EDC4: variants seen among roughly 807,000 people sequenced by gnomAD.
EDC4 encodes the protein enhancer of mRNA-decapping protein 4.
In EDC4, 64 loss-of-function variants were observed where a neutral mutation model predicts 155.8. That is an observed-to-expected ratio of 0.41 (90% CI 0.34 to 0.51). EDC4 has a LOEUF of 0.51. EDC4 is among the 20% of genes least tolerant of loss of function. The probability of loss-of-function intolerance (pLI) is 0.19; values close to 1 mark genes in which losing one functional copy is unlikely to be tolerated. For synonymous variants in EDC4, 684 were observed against 716.8 expected, an observed-to-expected ratio of 0.95 and a Z score of 0.73; for missense variants, 1,303 against 1,812.5, an observed-to-expected ratio of 0.72 and a Z score of 5.10.
At position 67,881,632 on chromosome 16, in the gene EDC4, G is replaced by C. The variant is rs1334133624; in HGVS notation, c.2827-36G>C. 1.2e-6 allele frequency: 2 copies of C among 1,610,414 alleles called. No homozygotes were observed. The highest frequency in any genetic ancestry group is 1.7e-6 in the Non-Finnish European group (2 of 1,177,196). On this transcript the variant is annotated intron_variant, in intron 21 of 28. Transcript: ENST00000358933. The surrounding 1 kb of genome is among the most constrained non-coding windows in gnomAD (Gnocchi z 5.4). ...CTGGTCTGGTGTGTGGGAATAGGTGGGGCAGGCATCGTGTGACTGTCAGTG... is the reference window on the plus strand; with the variant it reads ...CTGGTCTGGTGTGTGGGAATAGGTGCGGCAGGCATCGTGTGACTGTCAGTG...
In EDC4 at chr16:67,882,965, G is replaced by C; in HGVS notation, c.3637G>C (p.Glu1213Gln). The C allele has an allele frequency of 6.2e-7, 1 of 1,613,968 alleles. No homozygotes were observed. Among genetic ancestry groups the C allele is most frequent in the Non-Finnish European group, 8.5e-7 (1 of 1,179,826 alleles). ...QLHVAVGSLQ[E>Q]SILAQVQRIV... is the part of the protein sequence containing the mutation. ...ACTCACTTCCCTTTGCAGCCTGCAG[G>C]AGTCCATTTTAGCACAGGTACAGCG... Residue 1213 changes from glutamate (E) to glutamine (Q), a missense_variant, in exon 27 of 29, where the codon GAG becomes CAG. Around this residue, in one of 5 missense-constraint regions of EDC4, gnomAD observed 527 missense variants for 757.0 expected, o/e 0.70. Transcript: ENST00000358933. The surrounding 1 kb of genome is among the most constrained non-coding windows in gnomAD (Gnocchi z 7.2).
chr16:67,875,657 C>T (rs1002605561), intron 1 of EDC4: 120 of 1,073,714 alleles, frequency 1.1e-4, no homozygotes, highest in South Asian at 2.5e-4. Flanking sequence ...TCACTCAGTC[C>T]ACAGAGTTCT....
chr16:67,879,074 C>T lies in EDC4; in HGVS notation c.1405C>T (p.Arg469Cys), dbSNP rs761665865. The change falls in exon 12 of 29, where the codon CGC becomes TGC. Residue 469 changes from arginine (R) to cysteine (C), a missense_variant. Physicochemically the swap from Arg to Cys is radical, Grantham distance 180 (BLOSUM62 -3). Transcript: ENST00000358933. The surrounding 1 kb of genome is among the most constrained non-coding windows in gnomAD (Gnocchi z 6.0). ...VLSFGIQVVSRCRLRHTEVLP... is the reference protein window; with the variant it reads ...VLSFGIQVVSCCRLRHTEVLP... ...GAGCTTTGGTATCCAGGTTGTGAGT[C>T]GCTGCCGGCTACGGCACACTGAGGT... is the stretch of plus-strand genomic sequence containing the variant. 2.2e-5 allele frequency: 36 copies of T among 1,613,568 alleles called. No homozygotes were observed. In the South Asian group the frequency reaches 3.4e-4, roughly 15 times the overall value.
rs369896712 is a variant in EDC4, at chr16:67,880,252, C to T, written c.2097+36C>T. ...GGGTGTGTGTGTGAAGTGTGGGGAGCAGGTGGGCAGCAGCAGGGAAGGTGG... is the reference window on the plus strand; with the variant it reads ...GGGTGTGTGTGTGAAGTGTGGGGAGTAGGTGGGCAGCAGCAGGGAAGGTGG... On this transcript the variant is annotated intron_variant, in intron 17 of 28. Transcript: ENST00000358933. This position sits in a 1 kb window ranked among gnomAD's most constrained non-coding sequence, Gnocchi z 5.2. The T allele has an allele frequency of 1.9e-5, 29 of 1,557,936 alleles. No individual in the cohort carries two copies. The highest frequency in any genetic ancestry group is 2.3e-5 in the Non-Finnish European group (26 of 1,153,808).
Position 67,884,280 on chromosome 16 carries a change from A to G in EDC4, c.*132A>G. 8 of 862,072 alleles carry G rather than the reference A, an allele frequency of 9.3e-6. No individual in the cohort carries two copies. The highest frequency in any genetic ancestry group is 2.9e-5 in the Admixed American group (1 of 34,146). 53.4% of individuals were successfully genotyped at this position (862,072 alleles called of 1,614,324 possible). ...CTGGGGTGTTTGGGGGTCAGGGAGC[A>G]GGGAGCACTGGCCGTGGTCTACAGC... On this transcript the variant is annotated 3_prime_UTR_variant, in exon 29 of 29. Coordinates refer to ENST00000358933, the MANE Select transcript of EDC4 (RefSeq NM_014329.5). The surrounding 1 kb of genome is among the most constrained non-coding windows in gnomAD (Gnocchi z 4.1).
rs1193684287 is a variant in EDC4 at position 67,883,949 on chromosome 16, T to A, written c.4014-7T>A. 1.3e-6 allele frequency: 2 copies of A among 1,586,458 alleles called. No individual in the cohort carries two copies. The highest frequency in any genetic ancestry group is 1.7e-6 in the Non-Finnish European group (2 of 1,162,084). On this transcript the variant is annotated splice_polypyrimidine_tract_variant and splice_region_variant and intron_variant, in intron 28 of 28. Transcript: ENST00000358933. This position sits in a 1 kb window ranked among gnomAD's most constrained non-coding sequence, Gnocchi z 5.3. ...CCTGTAGCCTGTCCTTTCCCCCCCA[T>A]CCCCAGCTACCTGGAAGAGGCCGTG... is the stretch of plus-strand genomic sequence containing the variant.
chr16:67,875,685 C>T, intron 1 of EDC4: 7 of 1,270,498 alleles, frequency 5.5e-6, no homozygotes, highest in Non-Finnish European at 7.0e-6. Context: ...TGACCCAGAC[C>T]TGAGTATTCA....
chr16:67,883,430 C>T lies in EDC4; in HGVS notation c.3850-138C>T, dbSNP rs11639861. 5 of 1,401,688 alleles carry T rather than the reference C, an allele frequency of 3.6e-6. No individual in the cohort carries two copies. In the East Asian group the frequency reaches 1.1e-4, roughly 32 times the overall value. 86.8% of individuals were successfully genotyped at this position (1,401,688 alleles called of 1,614,324 possible). A position where few individuals can be genotyped will look rare whatever the true frequency, so the allele number is the denominator to read the frequency against. Reference sequence around the variant, plus strand: ...AATCCCCTAGGGTAACTACACAGCCCTACAGGCTCTCTCTGAGTCCCTCTG... The same window carrying T: ...AATCCCCTAGGGTAACTACACAGCCTTACAGGCTCTCTCTGAGTCCCTCTG... On this transcript the variant is annotated intron_variant, in intron 27 of 28. Coordinates refer to ENST00000358933, the MANE Select transcript of EDC4 (RefSeq NM_014329.5). The surrounding 1 kb of genome is among the most constrained non-coding windows in gnomAD (Gnocchi z 5.3).
At position 67,883,882 on chromosome 16, in the gene EDC4, G is replaced by A; in HGVS notation, c.4014-74G>A. ...CCTTCACCCAGAGGGTTCCCTCTGG[G>A]CCTCGGTGCCACCAGGGGGCGCTCC... On this transcript the variant is annotated intron_variant, in intron 28 of 28. Transcript: ENST00000358933. This position sits in a 1 kb window ranked among gnomAD's most constrained non-coding sequence, Gnocchi z 5.3. 1.3e-6 allele frequency: 2 copies of A among 1,537,276 alleles called. No homozygotes were observed. The highest frequency in any genetic ancestry group is 1.8e-6 in the Non-Finnish European group (2 of 1,139,738).
intron 1 of EDC4, among the ~76,000 whole-genome samples, chr16:67,874,535 C>G (rs1275946046): frequency 6.6e-6 from 1 of 152,208 alleles, no homozygotes; most frequent in African/African-American, 2.4e-5. Context: ...AGACTAGACT[C>G]CGCAGAGATT....
At position 67,876,923 on chromosome 16, in the gene EDC4, T is replaced by C. The variant is rs1483683135; in HGVS notation, c.402T>C (p.Tyr134=). 1 of 1,614,152 alleles carries C rather than the reference T, an allele frequency of 6.2e-7. No homozygotes were observed. Among genetic ancestry groups the C allele is most frequent in the African/African-American group, 1.3e-5 (1 of 74,952 alleles). Residue 134 remains tyrosine (Y), a synonymous_variant, in exon 4 of 29, where the codon TAT becomes TAC. Transcript: ENST00000358933. This position sits in a 1 kb window ranked among gnomAD's most constrained non-coding sequence, Gnocchi z 5.8. The stretch of plus-strand genomic sequence containing the variant: ...ATGACTGGGAACAGAAGTACTACTA[T>C]GGCAACCTGATTGCTGTGTCTAACT... ...AKYDWEQKYY[Y]GNLIAVSNSF... is the part of the protein sequence containing the mutation.
chr16:67,881,251 T>TC lies in EDC4; in HGVS notation c.2637-10dup. 1 of 1,613,920 alleles carries TC rather than the reference T, an allele frequency of 6.2e-7. No individual in the cohort carries two copies. The highest frequency in any genetic ancestry group is 2.2e-5 in the East Asian group (1 of 44,870). ...AAGTGGGCAGGGGCTTACTCCTCCT[T>TC]CCCCTTCCCACAGTGACCATGATGA... On this transcript the variant is annotated splice_polypyrimidine_tract_variant and intron_variant, in intron 19 of 28. Transcript: ENST00000358933. This position sits in a 1 kb window ranked among gnomAD's most constrained non-coding sequence, Gnocchi z 5.4.
In EDC4 at chr16:67,881,888, G is replaced by A. The variant is rs373345696; in HGVS notation, c.3004+43G>A. On this transcript the variant is annotated intron_variant, in intron 22 of 28. Coordinates refer to ENST00000358933, the MANE Select transcript of EDC4 (RefSeq NM_014329.5). This position sits in a 1 kb window ranked among gnomAD's most constrained non-coding sequence, Gnocchi z 5.4. ...AGCACAACATGGCATAGGGACGGGG[G>A]CAGCATTCTTGGCCTGGGAAGGAGT... 2.6e-5 allele frequency: 41 copies of A among 1,605,040 alleles called. No individual in the cohort carries two copies. In the Admixed American group the frequency reaches 3.8e-4, roughly 15 times the overall value.
chr16:67,879,367 C>A lies in EDC4; in HGVS notation c.1542-45C>A. 6.2e-7 allele frequency: 1 copy of A among 1,614,204 alleles called. No individual in the cohort carries two copies. The highest frequency in any genetic ancestry group is 1.1e-5 in the South Asian group (1 of 91,084). On this transcript the variant is annotated intron_variant, in intron 13 of 28. Transcript: ENST00000358933. This position sits in a 1 kb window ranked among gnomAD's most constrained non-coding sequence, Gnocchi z 6.0. ...TCTGTGTCTGTCTCCACTCTACTGA[C>A]CCTTGCCCTTGGAGCACTTTATTCT...
At chr16:67,875,798 T>C in intron 1 of EDC4, 147 bp from the exon 2 acceptor site, 1 of 1,471,984 alleles carries the variant, frequency 6.8e-7, no homozygotes, top group Non-Finnish European at 8.9e-7. Context: ...GAACGAGAGA[T>C]GAACACAGGG....
chr16:67,878,100 G>A lies in EDC4; in HGVS notation c.895-66G>A. ...CCACCGTGAGTCAGCCCAGCTCATTGCCATCCTCACTTGGGAGGGGCTTGT... is the reference window on the plus strand; with the variant it reads ...CCACCGTGAGTCAGCCCAGCTCATTACCATCCTCACTTGGGAGGGGCTTGT... On this transcript the variant is annotated intron_variant, in intron 7 of 28. Coordinates refer to ENST00000358933, the MANE Select transcript of EDC4 (RefSeq NM_014329.5). The surrounding 1 kb of genome is among the most constrained non-coding windows in gnomAD (Gnocchi z 5.2). 1 of 1,602,890 alleles carries A rather than the reference G, an allele frequency of 6.2e-7. No individual in the cohort carries two copies. The highest frequency in any genetic ancestry group is 8.5e-7 in the Non-Finnish European group (1 of 1,173,866).
chr16:67,882,671 C>T lies in EDC4; in HGVS notation c.3443-8C>T, dbSNP rs1456472068. ...GTTCCTCTTATAGTCCCTGTGGTCA[C>T]CCCTCAGACTTGCAGCAGCTAGAAA... is the stretch of plus-strand genomic sequence containing the variant. On this transcript the variant is annotated splice_region_variant and splice_polypyrimidine_tract_variant and intron_variant, in intron 25 of 28. Transcript: ENST00000358933. This position sits in a 1 kb window ranked among gnomAD's most constrained non-coding sequence, Gnocchi z 7.2. 1 of 1,614,196 alleles carries T rather than the reference C, an allele frequency of 6.2e-7. No homozygotes were observed. The highest frequency in any genetic ancestry group is 8.5e-7 in the Non-Finnish European group (1 of 1,180,030).
Position 67,878,359 on chromosome 16 carries a change from G to C in EDC4, c.1005-1G>C. The stretch of plus-strand genomic sequence containing the variant: ...CAGGCCCCTCATCTGCCTACCTGCA[G>C]GTGTCTGCACGAGTGGAAACCTCAT... On this transcript the variant is annotated splice_acceptor_variant, in intron 8 of 28. Coordinates refer to ENST00000358933, the MANE Select transcript of EDC4 (RefSeq NM_014329.5). LOFTEE classifies it high-confidence loss of function. This position sits in a 1 kb window ranked among gnomAD's most constrained non-coding sequence, Gnocchi z 5.2. 1 of 1,614,214 alleles carries C rather than the reference G, an allele frequency of 6.2e-7. No homozygotes were observed. The highest frequency in any genetic ancestry group is 8.5e-7 in the Non-Finnish European group (1 of 1,180,042).
In EDC4 at chr16:67,880,451, C is replaced by T; in HGVS notation, c.2098-106C>T. 1 of 1,470,892 alleles carries T rather than the reference C, an allele frequency of 6.8e-7. No homozygotes were observed. The highest frequency in any genetic ancestry group is 1.4e-5 in the African/African-American group (1 of 71,958). The allele number at this position is 1,470,892 out of a possible 1,614,324, so 91.1% of individuals were successfully genotyped here. On this transcript the variant is annotated intron_variant, in intron 17 of 28. Transcript: ENST00000358933. This position sits in a 1 kb window ranked among gnomAD's most constrained non-coding sequence, Gnocchi z 5.2. ...GTTTTTGACCTGTATCCCCACTTCCCTGCTGCCCTGTCTCTCATTACTGCT... is the reference window on the plus strand; with the variant it reads ...GTTTTTGACCTGTATCCCCACTTCCTTGCTGCCCTGTCTCTCATTACTGCT...
Sources: gnomAD v4.1 joint callset for allele counts (sites outside exome capture counted in the v4.1 genomes callset) on GRCh38, gnomAD v4.1.1 for gene constraint, gnomAD v4.1.1 regional missense constraint, Gnocchi (gnomAD v3.1) non-coding constraint, MANE v1.5 for transcripts, NCBI Gene and HGNC (gene_info 2026-07-23, HGNC 2026-07-21) for gene names.